Variants in SGCZ observed in about 807,000 individuals in gnomAD.
SGCZ encodes the protein sarcoglycan zeta, also known as zeta-sarcoglycan.
Under a neutral mutation model 41.3 loss-of-function variants are expected in SGCZ, and 40 were observed. The ratio of observed to expected loss-of-function variants is 0.97; its 90% CI spans 0.75 to 1.26. SGCZ has a LOEUF of 1.26. SGCZ is among the 50% of genes most tolerant of loss of function. The pLI is 0.00. For missense variants in SGCZ, 552 were observed against 369.8 expected (o/e 1.49, Z -4.04); for synonymous variants, 206 against 137.5 (o/e 1.50, Z -3.49).
At chr8:14,476,490 A>T (rs1243728087) in intron 2 of SGCZ, among the ~76,000 whole-genome samples, 2 of 152,088 alleles carry the variant, frequency 1.3e-5, no homozygotes, top group Non-Finnish European at 2.9e-5. Context: ...AATAATAAAA[A>T]TTAAAGTAAC....
intron 3 of SGCZ, among the ~76,000 whole-genome samples, chr8:14,321,016 T>A (rs1801899760): frequency 6.6e-6 from 1 of 152,086 alleles, no homozygotes; most frequent in Non-Finnish European, 1.5e-5. Flanking sequence ...GAAGATTAGG[T>A]GTCCTAAATT....
chr8:15,000,647 C>T (rs1404878412), intron 1 of SGCZ, among the ~76,000 whole-genome samples: 1 of 152,096 alleles, frequency 6.6e-6, no homozygotes, highest in Non-Finnish European at 1.5e-5. Context: ...GAGATGGCAC[C>T]GCTCAACTGG....
chr8:14,174,429 A>T (rs888449799), intron 4 of SGCZ, among the ~76,000 whole-genome samples: 1 of 152,106 alleles, frequency 6.6e-6, no homozygotes, highest in Non-Finnish European at 1.5e-5. Flanking sequence ...TTGATCATAC[A>T]TGTACTTCTA....
At chr8:14,520,228 G>A (rs564865475) in intron 2 of SGCZ, among the ~76,000 whole-genome samples, 2 of 152,154 alleles carry the variant, frequency 1.3e-5, no homozygotes, top group South Asian at 4.2e-4. Flanking sequence ...TTTTCTCAAT[G>A]AGTACAGAAC....
intron 1 of SGCZ, among the ~76,000 whole-genome samples, chr8:14,878,082 A>C (rs1480179089): frequency 1.3e-5 from 2 of 152,080 alleles, no homozygotes; most frequent in Non-Finnish European, 2.9e-5. Flanking sequence ...CAGTGTCTCA[A>C]TTGCAGTTCC....
At chr8:14,265,524 G>A (rs1585298597) in intron 3 of SGCZ, among the ~76,000 whole-genome samples, 1 of 152,048 alleles carries the variant, frequency 6.6e-6, no homozygotes, top group South Asian at 2.1e-4. Flanking sequence ...CAATTCAGAT[G>A]TTAGCTCTGT....
chr8:14,168,472 G>T (rs1804274407), intron 4 of SGCZ, among the ~76,000 whole-genome samples: 1 of 152,068 alleles, frequency 6.6e-6, no homozygotes, highest in Admixed American at 6.5e-5. Flanking sequence ...TTCCTGTGCT[G>T]TTCTCATGAG....
chr8:14,812,813 C>A (rs1017213337), intron 1 of SGCZ, among the ~76,000 whole-genome samples: 1 of 152,056 alleles, frequency 6.6e-6, no homozygotes, highest in Non-Finnish European at 1.5e-5. Flanking sequence ...AATAGATAAG[C>A]TTCCACAATT....
chr8:14,997,470 A>G (rs184737100), intron 1 of SGCZ, among the ~76,000 whole-genome samples: 1,580 of 152,326 alleles, frequency 0.01, 13 homozygotes, highest in Non-Finnish European at 0.014. Flanking sequence ...GATTAAACCA[A>G]AAATGTATTA....
At chr8:14,514,107 T>G (rs909723741) in intron 2 of SGCZ, among the ~76,000 whole-genome samples, 1 of 152,144 alleles carries the variant, frequency 6.6e-6, no homozygotes, top group South Asian at 2.1e-4. Flanking sequence ...AGATTTTCTT[T>G]TCTTTTTTTG....
At chr8:14,818,739 A>C (rs1801980206) in intron 1 of SGCZ, among the ~76,000 whole-genome samples, 1 of 152,140 alleles carries the variant, frequency 6.6e-6, no homozygotes, top group Non-Finnish European at 1.5e-5. Flanking sequence ...GAAAGATGTA[A>C]TTAAAAATAT....
chr8:14,865,201 A>T (rs571051892), intron 1 of SGCZ, among the ~76,000 whole-genome samples: 2 of 151,990 alleles, frequency 1.3e-5, no homozygotes, highest in South Asian at 4.1e-4. Flanking sequence ...CACCACCACC[A>T]CTTCACCTCC....
chr8:14,830,362 A>G (rs759281132), intron 1 of SGCZ, among the ~76,000 whole-genome samples: 4 of 152,108 alleles, frequency 2.6e-5, no homozygotes, highest in Non-Finnish European at 5.9e-5. Flanking sequence ...TATGACATCA[A>G]TTTGTTATCT....
intron 2 of SGCZ, among the ~76,000 whole-genome samples, chr8:14,385,525 G>C (rs1804544765): frequency 6.6e-6 from 1 of 152,088 alleles, no homozygotes; most frequent in Admixed American, 6.6e-5. Flanking sequence ...AGCTGCCCAG[G>C]CTATCGATAG....
chr8:14,528,988 A>C (rs1273620784), intron 2 of SGCZ, among the ~76,000 whole-genome samples: 1 of 152,056 alleles, frequency 6.6e-6, no homozygotes, highest in African/African-American at 2.4e-5. Context: ...ATGACAACCA[A>C]CTAAACCAAA....
intron 5 of SGCZ, among the ~76,000 whole-genome samples, chr8:14,125,499 GTCTC>G (rs1802824089): frequency 8.7e-6 from 1 of 114,746 alleles, no homozygotes. Context: ...GAAAGATTCC[GTCTC>G]AAAAAAAAAA....
chr8:15,170,307 A>C (rs1799789138), intron 1 of SGCZ, among the ~76,000 whole-genome samples: 1 of 152,324 alleles, frequency 6.6e-6, no homozygotes, highest in Non-Finnish European at 1.5e-5. Context: ...AATTTCATTT[A>C]TTCAGTTGGT....
intron 1 of SGCZ, among the ~76,000 whole-genome samples, chr8:14,797,247 G>T (rs569245311): frequency 1.2e-4 from 18 of 152,218 alleles, no homozygotes; most frequent in Middle Eastern, 3.4e-3. Context: ...AAGACAGGAA[G>T]ATTTAGAAAA....
intron 1 of SGCZ, among the ~76,000 whole-genome samples, chr8:14,754,319 T>G (rs370848050): frequency 2.6e-5 from 4 of 152,226 alleles, no homozygotes; most frequent in African/African-American, 9.6e-5. Context: ...CAGTCTTCCC[T>G]TTCTCAGCAT....
Sources: allele counts gnomAD v4.1 joint callset (sites outside exome capture counted in the v4.1 genomes callset), GRCh38; gene constraint gnomAD v4.1.1; transcripts MANE v1.5; gene names NCBI Gene and HGNC (gene_info 2026-07-23, HGNC 2026-07-21).